The following HSF5 variants were observed in gnomAD, a reference collection of about 807,000 sequenced individuals.
HSF5 encodes heat shock factor protein 5.
Under a neutral mutation model 50.8 loss-of-function variants are expected in HSF5, and 5 were observed. The observed-to-expected ratio is 0.10, with a 90% CI of 0.05 to 0.21. HSF5 has a LOEUF of 0.21. Ranked by LOEUF, HSF5 falls within the 10% of genes least tolerant of loss-of-function variation. HSF5 has a pLI of 1.00. For synonymous variants in HSF5, 307 were observed against 307.4 expected (o/e 1.00, Z 0.02); for missense variants, 564 against 762.6 (o/e 0.74, Z 3.07).
chr17:58,431,250 C>T (rs974755564), intron 5 of HSF5, among the ~76,000 whole-genome samples: 12 of 152,178 alleles, frequency 7.9e-5, no homozygotes, highest in Non-Finnish European at 1.6e-4. Context: ...ATGTCTTTAT[C>T]AGCAGTGTGA....
chr17:58,476,686 T>C (rs1427742086), intron 2 of HSF5: 28 of 1,580,442 alleles, frequency 1.8e-5, no homozygotes, highest in Middle Eastern at 4.6e-4. Context: ...TTGTGGATGG[T>C]TGACAAATGT....
intron 5 of HSF5, among the ~76,000 whole-genome samples, chr17:58,457,101 A>T (rs1382533544): frequency 6.6e-6 from 1 of 151,934 alleles, no homozygotes; most frequent in Non-Finnish European, 1.5e-5. Context: ...CTCTGCTAAA[A>T]ATACAAAAAT....
chr17:58,478,086 A>T (rs1248290607), intron 2 of HSF5, among the ~76,000 whole-genome samples: 1 of 151,816 alleles, frequency 6.6e-6, no homozygotes, highest in Non-Finnish European at 1.5e-5. Context: ...TTGTGTAAAA[A>T]GCATACCACA....
intron 5 of HSF5, among the ~76,000 whole-genome samples, chr17:58,438,353 G>C (rs2143742422): frequency 6.6e-6 from 1 of 152,276 alleles, no homozygotes; most frequent in East Asian, 1.9e-4. Flanking sequence ...ATCTAGGTTT[G>C]TGTAAGTACA....
intron 5 of HSF5, among the ~76,000 whole-genome samples, chr17:58,458,470 T>C (rs1198499223): frequency 3.9e-5 from 6 of 152,218 alleles, no homozygotes; most frequent in Admixed American, 3.3e-4. Flanking sequence ...TATTAAATCA[T>C]CCTTCATCCT....
At chr17:58,437,658 G>A (rs562307538) in intron 5 of HSF5, among the ~76,000 whole-genome samples, 1 of 152,184 alleles carries the variant, frequency 6.6e-6, no homozygotes, top group South Asian at 2.1e-4. Flanking sequence ...CTAGAAAGGG[G>A]GTTGTGCTAG....
intron 5 of HSF5, among the ~76,000 whole-genome samples, chr17:58,449,840 G>A (rs1479558302): frequency 2.0e-5 from 3 of 150,466 alleles, no homozygotes; most frequent in East Asian, 1.9e-4. Context: ...CGGCTAAAAC[G>A]GTGAAACCCC....
intron 5 of HSF5, among the ~76,000 whole-genome samples, chr17:58,426,095 A>G (rs1281428793): frequency 6.6e-6 from 1 of 152,204 alleles, no homozygotes; most frequent in East Asian, 1.9e-4. Context: ...GAATAGACCC[A>G]GTTGTAACCC....
rs189033233 is a variant in HSF5, at chr17:58,442,713, A to G, written c.1720+16055T>C. On this transcript the variant is annotated intron_variant, in intron 5 of 5. Transcript: ENST00000323777. ...GTCTCATAAGTGGAAGAGATGGGCT[A>G]GACTTAGTTAGTCCTTTAATTCTTT... Among the ~76,000 whole-genome samples the G allele has an allele frequency of 6.4e-3, 968 of 152,176 alleles. 6 individuals carry two copies. The highest frequency in any genetic ancestry group is 0.022 in the African/African-American group (905 of 41,450).
intron 4 of HSF5, 136 bp from the exon 5 acceptor site, chr17:58,459,081 T>C (rs1046113468): frequency 2.8e-6 from 2 of 725,442 alleles, no homozygotes; most frequent in African/African-American, 3.5e-5. Flanking sequence ...TTCTTATTAT[T>C]GATACTATAC....
chr17:58,473,371 G>A (rs1485302929), intron 2 of HSF5, among the ~76,000 whole-genome samples: 1 of 151,928 alleles, frequency 6.6e-6, no homozygotes, highest in Non-Finnish European at 1.5e-5. Flanking sequence ...AGTCTATTCA[G>A]CATTAAAGAA....
In HSF5 at chr17:58,422,310, T is replaced by C; in HGVS notation, c.*50A>G. Reference sequence around the variant, plus strand: ...AACAGTTTGTCATGTGCAAGGCTAGTCTGCCTCCAGCTACAGCTAGTGCAC... The same window carrying C: ...AACAGTTTGTCATGTGCAAGGCTAGCCTGCCTCCAGCTACAGCTAGTGCAC... On this transcript the variant is annotated 3_prime_UTR_variant, in exon 6 of 6. Coordinates refer to ENST00000323777, the MANE Select transcript of HSF5 (RefSeq NM_001080439.3). 7.5e-7 allele frequency: 1 copy of C among 1,330,204 alleles called. No homozygotes were observed. Among genetic ancestry groups the C allele is most frequent in the Non-Finnish European group, 1.1e-6 (1 of 926,026 alleles). 82.4% of individuals were successfully genotyped at this position (1,330,204 alleles called of 1,614,324 possible).
At chr17:58,425,782 AGGAGG>A (rs1974290061) in intron 5 of HSF5, among the ~76,000 whole-genome samples, 1 of 152,194 alleles carries the variant, frequency 6.6e-6, no homozygotes, top group African/African-American at 2.4e-5. Flanking sequence ...GTAGATAACT[AGGAGG>A]AAGAGCCTCT....
At chr17:58,480,980 T>A (rs1975092042) in intron 1 of HSF5, among the ~76,000 whole-genome samples, 1 of 152,204 alleles carries the variant, frequency 6.6e-6, no homozygotes, top group African/African-American at 2.4e-5. Flanking sequence ...AAACAAGGTC[T>A]TGCCACATTC....
chr17:58,478,280 A>AATAAATAAAT (rs397965766), intron 2 of HSF5, among the ~76,000 whole-genome samples: 3 of 132,800 alleles, frequency 2.3e-5, no homozygotes, highest in East Asian at 2.2e-4. Context: ...AAAATAAATA[A>AATAAATAAAT]ATATATATAT....
intron 1 of HSF5, among the ~76,000 whole-genome samples, chr17:58,481,066 G>A (rs1239671886): frequency 6.6e-6 from 1 of 152,216 alleles, no homozygotes; most frequent in Non-Finnish European, 1.5e-5. Flanking sequence ...TTACAGGCAT[G>A]AGCCACCATG....
intron 5 of HSF5, among the ~76,000 whole-genome samples, chr17:58,432,135 C>T (rs1974372968): frequency 6.6e-6 from 1 of 151,690 alleles, no homozygotes; most frequent in African/African-American, 2.4e-5. Flanking sequence ...TTAAAAAGTA[C>T]ATTAGTAAGA....
chr17:58,446,869 G>A lies in HSF5; in HGVS notation c.1720+11899C>T, dbSNP rs758337959. Among the ~76,000 whole-genome samples the A allele has an allele frequency of 5.3e-5, 8 of 152,212 alleles. No individual in the cohort carries two copies. In the South Asian group the frequency reaches 1.7e-3, roughly 31 times the overall value. On this transcript the variant is annotated intron_variant, in intron 5 of 5. Transcript: ENST00000323777. Reference sequence around the variant, plus strand: ...AGACCAGGCACAGTGGCTCATGCCTGTAATCCCAGCACTTTGGGAGGCCGA... The same window carrying A: ...AGACCAGGCACAGTGGCTCATGCCTATAATCCCAGCACTTTGGGAGGCCGA...
At chr17:58,425,999 A>G (rs527802432) in intron 5 of HSF5, among the ~76,000 whole-genome samples, 12 of 152,322 alleles carry the variant, frequency 7.9e-5, no homozygotes, top group African/African-American at 2.2e-4. Flanking sequence ...AACTATGATC[A>G]TTTTCTAAAC....
Sources: gnomAD v4.1 joint callset for allele counts (sites outside exome capture counted in the v4.1 genomes callset) on GRCh38, gnomAD v4.1.1 for gene constraint, MANE v1.5 for transcripts, NCBI Gene and HGNC (gene_info 2026-07-23, HGNC 2026-07-21) for gene names.